The following PTPRD variants were observed in gnomAD, a reference collection of about 807,000 sequenced individuals.
PTPRD encodes the protein protein tyrosine phosphatase receptor type D.
A neutral mutation model predicts 214.5 loss-of-function variants in PTPRD; 34 were observed. That is an observed-to-expected ratio of 0.16 (90% CI 0.12 to 0.21). The LOEUF is 0.21. Among genes scored for constraint, PTPRD ranks in the 10% least tolerant of loss-of-function variants. The pLI, the probability that PTPRD is intolerant of heterozygous loss-of-function variation, is 1.00. For synonymous variants in PTPRD, 1,128 were observed against 845.7 expected, an observed-to-expected ratio of 1.33 and a Z score of -5.79; for missense variants, 2,545 against 2,398.7, an observed-to-expected ratio of 1.06 and a Z score of -1.27.
intron 4 of PTPRD, among the ~76,000 whole-genome samples, chr9:9,949,574 A>T (rs1198740350): frequency 6.6e-6 from 1 of 152,110 alleles, no homozygotes; most frequent in Non-Finnish European, 1.5e-5. Flanking sequence ...CAAAGGGAAA[A>T]ATCATACGAC....
chr9:8,582,789 A>G (rs1180074583), intron 14 of PTPRD, among the ~76,000 whole-genome samples: 2 of 152,238 alleles, frequency 1.3e-5, no homozygotes, highest in East Asian at 3.9e-4. Flanking sequence ...TGGTAGAAAT[A>G]TAAACTGGGA....
At chr9:8,854,977 T>C (rs1262356643) in intron 11 of PTPRD, among the ~76,000 whole-genome samples, 2 of 152,174 alleles carry the variant, frequency 1.3e-5, no homozygotes, top group East Asian at 3.8e-4. Flanking sequence ...CTCTTTTCTA[T>C]TTTTCACACT....
chr9:10,056,603 A>G (rs138876136), intron 3 of PTPRD, among the ~76,000 whole-genome samples: 66 of 152,296 alleles, frequency 4.3e-4, no homozygotes, highest in Admixed American at 1.0e-3. Flanking sequence ...CCATAGGAAC[A>G]ATATCCATCT....
intron 4 of PTPRD, among the ~76,000 whole-genome samples, chr9:10,022,182 C>T (rs1162513151): frequency 9.2e-5 from 2 of 21,846 alleles, no homozygotes; most frequent in Non-Finnish European, 1.9e-4. Flanking sequence ...AACCCAAGAA[C>T]GGAAATCCGA....
chr9:9,853,122 C>T (rs866908987), intron 5 of PTPRD, among the ~76,000 whole-genome samples: 3 of 152,118 alleles, frequency 2.0e-5, no homozygotes, highest in Non-Finnish European at 4.4e-5. Flanking sequence ...CCTCTAGTCT[C>T]GGCAGAAGGA....
chr9:9,741,782 A>G (rs2098405810), intron 6 of PTPRD, among the ~76,000 whole-genome samples: 1 of 152,226 alleles, frequency 6.6e-6, no homozygotes, highest in Non-Finnish European at 1.5e-5. Flanking sequence ...AAATGACATG[A>G]ACTCATTCTT....
chr9:9,471,293 G>A (rs2094569569), intron 8 of PTPRD, among the ~76,000 whole-genome samples: 2 of 152,086 alleles, frequency 1.3e-5, no homozygotes, highest in South Asian at 4.1e-4. Context: ...AAGGCCAAAG[G>A]AAACAACTGG....
At chr9:8,750,709 T>C (rs999083017) in intron 11 of PTPRD, among the ~76,000 whole-genome samples, 23 of 152,096 alleles carry the variant, frequency 1.5e-4, no homozygotes, top group South Asian at 2.1e-4. Flanking sequence ...AGCTTGGTTG[T>C]GGCTGGAGCC....
rs1004993068 is a variant in PTPRD, at chr9:8,518,080, C to A, written c.1311G>T (p.Gln437His). 2 of 1,614,206 alleles carry A rather than the reference C, an allele frequency of 1.2e-6. No individual in the cohort carries two copies. Among genetic ancestry groups the A allele is most frequent in the Non-Finnish European group, 1.7e-6 (2 of 1,180,032 alleles). Residue 437 changes from glutamine (Q) to histidine (H), a missense_variant, in exon 21 of 46, where the codon CAG becomes CAT. Physicochemically the swap from Gln to His is conservative, Grantham distance 24 (BLOSUM62 0). Coordinates refer to ENST00000381196, the MANE Select transcript of PTPRD (RefSeq NM_002839.4). ...CATTTGGCTCTTCAGGTTCCTTCCA[C>A]TGTACCAAAATGGTGGTCGAACTCA... ...RMLSSTTILV[Q>H]WKEPEEPNGQ...
intron 14 of PTPRD, among the ~76,000 whole-genome samples, chr9:8,608,780 T>G (rs887546228): frequency 6.6e-6 from 1 of 152,144 alleles, no homozygotes. Flanking sequence ...CTCCTTTAAT[T>G]TTCTTAATTC....
chr9:10,013,324 T>G (rs1373535700), intron 4 of PTPRD, among the ~76,000 whole-genome samples: 2 of 152,008 alleles, frequency 1.3e-5, no homozygotes, highest in Middle Eastern at 3.4e-3. Context: ...AATCAAAGAA[T>G]AAAATTAAAT....
rs2098752496 is a variant in PTPRD, at chr9:10,118,890, ATAAATAAATAAT to A, written c.-544-85112_-544-85101del. 1.3e-5 allele frequency among the ~76,000 whole-genome samples: 2 copies of A among 148,864 alleles called. 1 individual carries two copies. Among genetic ancestry groups the A allele is most frequent in the South Asian group, 4.2e-4 (2 of 4,742 alleles). ...CAAAAATAAATAAATAAATAAATAA[ATAAATAAATAAT>A]AATAAAGGAGATGAAGGAAGAGGGC... On this transcript the variant is annotated intron_variant, in intron 3 of 45. Coordinates refer to ENST00000381196, the MANE Select transcript of PTPRD (RefSeq NM_002839.4).
chr9:10,316,648 G>A (rs942163888), intron 3 of PTPRD, among the ~76,000 whole-genome samples: 5 of 151,894 alleles, frequency 3.3e-5, no homozygotes, highest in African/African-American at 1.2e-4. Flanking sequence ...TTCTCAAAAT[G>A]TTAAATTAGA....
intron 3 of PTPRD, among the ~76,000 whole-genome samples, chr9:10,038,925 C>G (rs896988339): frequency 2.6e-5 from 4 of 152,032 alleles, no homozygotes; most frequent in African/African-American, 9.7e-5. Context: ...TAGCCTCTAA[C>G]GCTGACGATA....
chr9:10,121,991 G>C (rs575913013), intron 3 of PTPRD, among the ~76,000 whole-genome samples: 1 of 152,248 alleles, frequency 6.6e-6, no homozygotes, highest in Non-Finnish European at 1.5e-5. Flanking sequence ...GTTCACAATA[G>C]CTTCGGGCTT....
chr9:9,953,484 G>T (rs916309717), intron 4 of PTPRD, among the ~76,000 whole-genome samples: 3 of 141,594 alleles, frequency 2.1e-5, no homozygotes, highest in Non-Finnish European at 4.6e-5. Context: ...TAAAATAGAG[G>T]GAATTGTGGA....
intron 2 of PTPRD, among the ~76,000 whole-genome samples, chr9:10,421,098 T>G (rs975279359): frequency 6.6e-6 from 1 of 151,836 alleles, no homozygotes; most frequent in African/African-American, 2.4e-5. Flanking sequence ...AAAAATCTCA[T>G]AATGTCTTAA....
At chr9:10,582,656 T>C (rs531974574) in intron 2 of PTPRD, among the ~76,000 whole-genome samples, 2 of 152,198 alleles carry the variant, frequency 1.3e-5, no homozygotes, top group Non-Finnish European at 2.9e-5. Flanking sequence ...CCATTTAGTA[T>C]ACCCTTATGA....
In PTPRD at chr9:10,224,735, G is replaced by A. The variant is rs148420329; in HGVS notation, c.-545+116228C>T. ...TTTCTTCCACTTTCACTTCCACTGA[G>A]ACAGGAAGACCAACTCTCCTCTTCC... On this transcript the variant is annotated intron_variant, in intron 3 of 45. Transcript: ENST00000381196. Among the ~76,000 whole-genome samples, 8 of 151,932 alleles carry A rather than the reference G, an allele frequency of 5.3e-5. No homozygotes were observed. In the South Asian group the frequency reaches 1.7e-3, roughly 32 times the overall value.
Sources: allele counts gnomAD v4.1 joint callset (sites outside exome capture counted in the v4.1 genomes callset), GRCh38; gene constraint gnomAD v4.1.1; transcripts MANE v1.5; gene names NCBI Gene and HGNC (gene_info 2026-07-23, HGNC 2026-07-21).